The following ZZEF1 variants were observed in gnomAD, a reference collection of about 807,000 sequenced individuals.
The protein encoded by ZZEF1 is zinc finger ZZ-type and EF-hand domain containing 1.
ZZEF1 carries 157 observed loss-of-function variants against 342.8 expected under a neutral mutation model. The ratio of observed to expected loss-of-function variants is 0.46; its 90% CI spans 0.40 to 0.52. ZZEF1 has a LOEUF of 0.52. Ranked by LOEUF, ZZEF1 falls within the 20% of genes least tolerant of loss-of-function variation. The pLI is 0.00. For synonymous variants in ZZEF1, 1,505 were observed against 1,429.1 expected, an observed-to-expected ratio of 1.05 and a Z score of -1.20; for missense variants, 3,480 against 3,725.6, an observed-to-expected ratio of 0.93 and a Z score of 1.72.
intron 1 of ZZEF1, among the ~76,000 whole-genome samples, chr17:4,138,421 A>C (rs559930326): frequency 6.6e-6 from 1 of 152,338 alleles, no homozygotes; most frequent in South Asian, 2.1e-4. Flanking sequence ...TAAAGTTTTC[A>C]CAAAAATCAT....
At chr17:4,022,615 G>T in intron 44 of ZZEF1, 94 bp downstream of exon 44, 2 of 1,579,710 alleles carry the variant, frequency 1.3e-6, no homozygotes. Context: ...AGTGTGCACA[G>T]GGCAGAAGCA....
intron 1 of ZZEF1, among the ~76,000 whole-genome samples, chr17:4,134,726 C>T (rs1483559421): frequency 1.3e-5 from 2 of 152,062 alleles, no homozygotes; most frequent in Non-Finnish European, 2.9e-5. Flanking sequence ...GAATTTGAAT[C>T]CTGGACTGAT....
intron 39 of ZZEF1, among the ~76,000 whole-genome samples, chr17:4,037,534 G>C (rs1219494891): frequency 6.6e-6 from 1 of 152,166 alleles, no homozygotes; most frequent in African/African-American, 2.4e-5. Flanking sequence ...AAAGACTAGA[G>C]GTGATTAAAA....
chr17:4,112,050 A>G (rs973328137), intron 5 of ZZEF1, among the ~76,000 whole-genome samples: 1 of 27,706 alleles, frequency 3.6e-5, no homozygotes, highest in South Asian at 1.0e-3. Context: ...ATATATATAT[A>G]TATATATATA....
rs2056061499 is a variant in ZZEF1 at position 4,014,881 on chromosome 17, G to C, written c.8146-366C>G. On this transcript the variant is annotated intron_variant, in intron 49 of 54. Transcript: ENST00000381638. The surrounding 1 kb of genome is among the most constrained non-coding windows in gnomAD (Gnocchi z 4.4). ...GCCCTGTGAAGGTCTAGCATGTTCA[G>C]GGAATGGCAAGGAGCTTGGCGTGTT... Among the ~76,000 whole-genome samples the C allele has an allele frequency of 6.6e-6, 1 of 152,198 alleles. No individual in the cohort carries two copies. The highest frequency in any genetic ancestry group is 1.5e-5 in the Non-Finnish European group (1 of 68,032).
rs942056799 is a variant in ZZEF1 at position 4,086,613 on chromosome 17, C to T, written c.2385G>A (p.Gln795=). The T allele has an allele frequency of 6.2e-7, 1 of 1,614,172 alleles. No individual in the cohort carries two copies. ...GCACAGAGAAGCAGCTCTGGAGTAG[C>T]TGCAGAAGCAGGGTTTGGGCAGAGA... ...ECVSAQTLLL[Q]LLQSCFSVLQ... is the part of the protein sequence containing the mutation. Residue 795 remains glutamine (Q), a synonymous_variant, in exon 15 of 55, where the codon CAG becomes CAA. Coordinates refer to ENST00000381638, the MANE Select transcript of ZZEF1 (RefSeq NM_015113.4).
intron 42 of ZZEF1, among the ~76,000 whole-genome samples, chr17:4,025,541 G>T (rs2145009667): frequency 6.6e-6 from 1 of 152,246 alleles, no homozygotes; most frequent in East Asian, 1.9e-4. Flanking sequence ...AATTAGCTAG[G>T]TGTGGTGTCA....
chr17:4,078,136 A>G, intron 18 of ZZEF1, 94 bp from the exon 19 acceptor site: 2 of 1,302,838 alleles, frequency 1.5e-6, no homozygotes, highest in South Asian at 3.1e-5. Context: ...TGTCACCAGC[A>G]AAAACAAACT....
chr17:4,100,830 G>A (rs555058891), intron 9 of ZZEF1, among the ~76,000 whole-genome samples: 3 of 152,102 alleles, frequency 2.0e-5, no homozygotes, highest in Admixed American at 6.6e-5. Context: ...GTGAGACTTC[G>A]TCTCAAAAAA....
intron 1 of ZZEF1, among the ~76,000 whole-genome samples, chr17:4,129,616 A>C (rs994303606): frequency 6.6e-6 from 1 of 152,076 alleles, no homozygotes; most frequent in African/African-American, 2.4e-5. Flanking sequence ...AGGCGGATGG[A>C]TCACAAGGTC....
At chr17:4,133,567 T>C (rs1034662330) in intron 1 of ZZEF1, among the ~76,000 whole-genome samples, 1 of 152,184 alleles carries the variant, frequency 6.6e-6, no homozygotes, top group African/African-American at 2.4e-5. Flanking sequence ...TCACTCCCTC[T>C]GAATCTCAAG....
intron 9 of ZZEF1, among the ~76,000 whole-genome samples, chr17:4,098,432 A>G (rs535550033): frequency 2.0e-4 from 31 of 152,262 alleles, no homozygotes; most frequent in African/African-American, 7.0e-4. Context: ...ATGAATGAAT[A>G]AATAAATTAA....
chr17:4,046,243 G>A (rs2056910323), intron 37 of ZZEF1, among the ~76,000 whole-genome samples: 1 of 152,080 alleles, frequency 6.6e-6, no homozygotes, highest in African/African-American at 2.4e-5. Context: ...TCTAGAATCA[G>A]GAGTCTAGTG....
At chr17:4,137,092 G>T (rs2058760746) in intron 1 of ZZEF1, among the ~76,000 whole-genome samples, 1 of 152,094 alleles carries the variant, frequency 6.6e-6, no homozygotes, top group Non-Finnish European at 1.5e-5. Flanking sequence ...GTATAAGAGT[G>T]TAAAGGCTGC....
chr17:4,036,459 GC>G (rs2056665272), intron 39 of ZZEF1, among the ~76,000 whole-genome samples: 5 of 152,032 alleles, frequency 3.3e-5, no homozygotes, highest in Admixed American at 3.3e-4. Flanking sequence ...CTAAGGCCGG[GC>G]GCGGTGGCTC....
chr17:4,057,950 A>G lies in ZZEF1; in HGVS notation c.5165+44T>C, dbSNP rs537403528. The G allele has an allele frequency of 3.5e-5, 55 of 1,588,992 alleles. 1 individual carries two copies. The South Asian group carries it at 5.7e-4, about 16-fold the overall frequency. ...GCCCCCACTATGTTCCTTGCGTTTC[A>G]TAACCTACATTAGGAACTGCAGAGC... On this transcript the variant is annotated intron_variant, in intron 32 of 54. Transcript: ENST00000381638.
intron 2 of ZZEF1, among the ~76,000 whole-genome samples, chr17:4,121,138 T>C (rs2058475934): frequency 6.6e-6 from 1 of 152,180 alleles, no homozygotes; most frequent in Admixed American, 6.5e-5. Context: ...TTTCTCAATC[T>C]CATCCCCCAT....
intron 1 of ZZEF1, among the ~76,000 whole-genome samples, chr17:4,125,300 CTCTT>C (rs2058556438): frequency 6.6e-6 from 1 of 152,220 alleles, no homozygotes; most frequent in Non-Finnish European, 1.5e-5. Context: ...GTAACCCTCT[CTCTT>C]TCTTAAAACT....
chr17:4,051,714 T>G (rs1597815602), intron 35 of ZZEF1, among the ~76,000 whole-genome samples: 1 of 149,678 alleles, frequency 6.7e-6, no homozygotes, highest in East Asian at 2.0e-4. Context: ...CCGAGCCTGG[T>G]CCTGGAATTG....
Sources: allele counts gnomAD v4.1 joint callset (sites outside exome capture counted in the v4.1 genomes callset), GRCh38; gene constraint gnomAD v4.1.1; non-coding constraint Gnocchi (gnomAD v3.1); transcripts MANE v1.5; gene names NCBI Gene and HGNC (gene_info 2026-07-23, HGNC 2026-07-21).